Variants in UMPS observed in about 807,000 individuals in gnomAD.
UMPS encodes the protein uridine monophosphate synthetase, also known as uridine 5'-monophosphate synthase.
UMPS carries 21 observed loss-of-function variants against 38.9 expected under a neutral mutation model. The observed-to-expected ratio is 0.54, with a 90% CI of 0.38 to 0.78. UMPS has a LOEUF of 0.78. Ranked by LOEUF, UMPS falls within the 30% of genes least tolerant of loss-of-function variation. The pLI is 0.00. For missense variants in UMPS, 533 were observed against 591.6 expected (o/e 0.90, Z 1.03); for synonymous variants, 208 against 219.3 (o/e 0.95, Z 0.45).
chr3:124,746,024 C>T lies in UMPS; in HGVS notation c.*1940C>T, dbSNP rs546141616. ...TCCCAGGTGATGCTGCGGTTGCCTG[C>T]GCAGGGACTGGACTTTGAGAACCAC... On this transcript the variant is annotated 3_prime_UTR_variant, in exon 6 of 6. Coordinates refer to ENST00000232607, the MANE Select transcript of UMPS (RefSeq NM_000373.4). 7.3e-5 allele frequency: 33 copies of T among 454,004 alleles called. No individual in the cohort carries two copies. Among genetic ancestry groups the T allele is most frequent in the South Asian group, 1.6e-4 (10 of 64,476 alleles). The allele number at this position is 454,004 out of a possible 1,614,324, so 28.1% of individuals were successfully genotyped here. A position where few individuals can be genotyped will look rare whatever the true frequency, so the allele number is the denominator to read the frequency against.
Position 124,749,217 on chromosome 3 carries a change from T to A in UMPS, c.*5133T>A, listed in dbSNP as rs1318184065. 1.1e-5 allele frequency: 5 copies of A among 453,662 alleles called. No individual in the cohort carries two copies. In the East Asian group the frequency reaches 2.1e-4, roughly 19 times the overall value. 28.1% of individuals were successfully genotyped at this position (453,662 alleles called of 1,614,324 possible). A position where few individuals can be genotyped will look rare whatever the true frequency, so the allele number is the denominator to read the frequency against. ...AGAGATGATGTTGAGTTAAAAAAAA[T>A]ATATACATAAAAATATGGGTTCTTT... is the stretch of plus-strand genomic sequence containing the variant. On this transcript the variant is annotated 3_prime_UTR_variant, in exon 6 of 6. Transcript: ENST00000232607.
chr3:124,736,416 G>A (rs1305173870), intron 2 of UMPS, among the ~76,000 whole-genome samples: 1 of 146,120 alleles, frequency 6.8e-6, no homozygotes, highest in Non-Finnish European at 1.5e-5. Context: ...TTAAAAAAAA[G>A]AAACATATTA....
At chr3:124,740,705 C>T (rs2063550391) in intron 4 of UMPS, among the ~76,000 whole-genome samples, 1 of 152,148 alleles carries the variant, frequency 6.6e-6, no homozygotes, top group Admixed American at 6.5e-5. Context: ...CACCTGTAAT[C>T]CTAGCACTTT....
Position 124,731,532 on chromosome 3 carries a change from C to T in UMPS, c.156+905C>T, listed in dbSNP as rs757160551. On this transcript the variant is annotated intron_variant, in intron 1 of 5. Coordinates refer to ENST00000232607, the MANE Select transcript of UMPS (RefSeq NM_000373.4). ...TGGGATCTCTCTTACGTCACCCAGGCTGGAGTGCAGCTCTGTGATCATAGC... is the reference window on the plus strand; with the variant it reads ...TGGGATCTCTCTTACGTCACCCAGGTTGGAGTGCAGCTCTGTGATCATAGC... 8.3e-5 allele frequency: 36 copies of T among 435,824 alleles called. No homozygotes were observed. The East Asian group carries it at 2.7e-3, about 32-fold the overall frequency. The allele number at this position is 435,824 out of a possible 1,614,324, so 27.0% of individuals were successfully genotyped here.
chr3:124,732,755 C>A (rs2063489056), intron 1 of UMPS, among the ~76,000 whole-genome samples: 1 of 152,134 alleles, frequency 6.6e-6, no homozygotes, highest in Non-Finnish European at 1.5e-5. Flanking sequence ...TCACTAGGGA[C>A]CACTTTGTGT....
In UMPS at chr3:124,748,574, C is replaced by T. The variant is rs549365799; in HGVS notation, c.*4490C>T. On this transcript the variant is annotated 3_prime_UTR_variant, in exon 6 of 6. Transcript: ENST00000232607. ...CCTCTAGACAAGAGGCAGAGGGCTC[C>T]TCAGAGTCAGATCCTGGTGTGGGCT... is the stretch of plus-strand genomic sequence containing the variant. The T allele has an allele frequency of 4.0e-5, 18 of 454,024 alleles. No homozygotes were observed. Among genetic ancestry groups the T allele is most frequent in the Non-Finnish European group, 7.1e-5 (16 of 226,810 alleles). 28.1% of individuals were successfully genotyped at this position (454,024 alleles called of 1,614,324 possible).
rs2063531004 is a variant in UMPS, at chr3:124,738,199, G to T, written c.942G>T (p.Lys314Asn). 6.2e-7 allele frequency: 1 copy of T among 1,614,028 alleles called. No individual in the cohort carries two copies. The highest frequency in any genetic ancestry group is 1.3e-5 in the African/African-American group (1 of 74,936). Reference sequence around the variant, plus strand: ...AGTTCTTGATATTTGAAGACCGGAAGTTTGCAGATATAGGAAACACAGTGA... The same window carrying T: ...AGTTCTTGATATTTGAAGACCGGAATTTTGCAGATATAGGAAACACAGTGA... ...CHEFLIFEDRKFADIGNTVKK... is the reference protein window; with the variant it reads ...CHEFLIFEDRNFADIGNTVKK... Residue 314 changes from lysine (K) to asparagine (N), a missense_variant, in exon 3 of 6, where the codon AAG (lysine) becomes AAT (asparagine). Physicochemically the swap from Lys to Asn is moderately conservative, Grantham distance 94. Coordinates refer to ENST00000232607, the MANE Select transcript of UMPS (RefSeq NM_000373.4).
At chr3:124,739,146 C>T (rs2063537844) in intron 3 of UMPS, among the ~76,000 whole-genome samples, 1 of 152,180 alleles carries the variant, frequency 6.6e-6, no homozygotes, top group Admixed American at 6.5e-5. Context: ...AAACTTTCTT[C>T]AGCTCTGCAT....
rs1323448922 is a variant in UMPS, at chr3:124,740,095, A to G, written c.1054A>G (p.Lys352Glu). 1 of 1,614,088 alleles carries G rather than the reference A, an allele frequency of 6.2e-7. No individual in the cohort carries two copies. The highest frequency in any genetic ancestry group is 2.2e-5 in the East Asian group (1 of 44,880). ...AHVVPGSGVV[K>E]GLQEVGLPLH... is the part of the protein sequence containing the mutation. ...CGTGGTGCCAGGCTCAGGAGTTGTG[A>G]AAGGCCTGCAAGAAGTGGGCCTGCC... Residue 352 changes from lysine (K) to glutamate (E), a missense_variant, in exon 4 of 6, where the codon AAA becomes GAA. Coordinates refer to ENST00000232607, the MANE Select transcript of UMPS (RefSeq NM_000373.4).
In UMPS at chr3:124,735,314, G is replaced by A. The variant is rs1317263915; in HGVS notation, c.310+68G>A. 38 of 1,450,070 alleles carry A rather than the reference G, an allele frequency of 2.6e-5. 1 individual carries two copies. The highest frequency in any genetic ancestry group is 7.3e-5 in the South Asian group (6 of 82,678). The allele number at this position is 1,450,070 out of a possible 1,614,324, so 89.8% of individuals were successfully genotyped here. A position where few individuals can be genotyped will look rare whatever the true frequency, so the allele number is the denominator to read the frequency against. On this transcript the variant is annotated intron_variant, in intron 2 of 5. Transcript: ENST00000232607. ...AACATCATACTCTTAGAATTTTTCC[G>A]CTTCTGTGCACTAATGTTTTACCAG...
intron 1 of UMPS, among the ~76,000 whole-genome samples, chr3:124,734,483 T>G (rs1316091171): frequency 6.6e-6 from 1 of 152,214 alleles, no homozygotes; most frequent in Non-Finnish European, 1.5e-5. Context: ...GGGATCGTCC[T>G]TAGTCTTTGG....
At chr3:124,736,365 C>T (rs576681815) in intron 2 of UMPS, among the ~76,000 whole-genome samples, 9 of 152,116 alleles carry the variant, frequency 5.9e-5, no homozygotes, top group African/African-American at 2.2e-4. Flanking sequence ...TTTTTTAAAA[C>T]AAATCCTTCT....
Position 124,737,977 on chromosome 3 carries a change from A to C in UMPS, c.720A>C (p.Ala240=), listed in dbSNP as rs1247888239. Residue 240 remains alanine, a synonymous_variant, in exon 3 of 6, where the codon GCA becomes GCC. Coordinates refer to ENST00000232607, the MANE Select transcript of UMPS (RefSeq NM_000373.4). ...RAELPRIHPV[A]SKLLRLMQKK... is the part of the protein sequence containing the mutation. ...AGCTGCCCAGGATCCACCCAGTTGCATCGAAGCTTCTCAGGCTTATGCAAA... is the reference window on the plus strand; with the variant it reads ...AGCTGCCCAGGATCCACCCAGTTGCCTCGAAGCTTCTCAGGCTTATGCAAA... The C allele has an allele frequency of 1.2e-6, 2 of 1,614,182 alleles. No homozygotes were observed. The highest frequency in any genetic ancestry group is 2.7e-5 in the African/African-American group (2 of 75,058).
intron 2 of UMPS, chr3:124,737,315 T>C (rs564667329): frequency 2.2e-6 from 1 of 447,562 alleles, no homozygotes; most frequent in South Asian, 2.7e-5. Flanking sequence ...CATTAAGCAG[T>C]GTTTATAATG....
chr3:124,735,191 C>G lies in UMPS; in HGVS notation c.255C>G (p.Ile85Met). The G allele has an allele frequency of 1.2e-6, 2 of 1,613,994 alleles. No homozygotes were observed. The highest frequency in any genetic ancestry group is 1.7e-6 in the Non-Finnish European group (2 of 1,179,900). Residue 85 changes from isoleucine (I) to methionine (M), a missense_variant, in exon 2 of 6, where the codon ATC becomes ATG. By Grantham distance (10) the Ile-to-Met change is conservative. Transcript: ENST00000232607. ...CAGCTTTGCCATTGGCTACAGTTAT[C>G]TGTTCAACCAATCAAATTCCAATGC... ...PYTALPLATV[I>M]CSTNQIPMLI... is the part of the protein sequence containing the mutation.
chr3:124,742,525 A>G, intron 5 of UMPS: 1 of 502,660 alleles, frequency 2.0e-6, no homozygotes, highest in East Asian at 3.7e-5. Context: ...TAACATGTAG[A>G]ATATTTAACA....
Position 124,743,919 on chromosome 3 carries a change from T to C in UMPS, c.1278T>C (p.Asp426=). Residue 426 remains aspartate, a synonymous_variant, in exon 6 of 6, where the codon GAT becomes GAC. Transcript: ENST00000232607. ...CAATTTTTGTGTTTCTTGCAGGAGATAATCTTGGCCAACAGTACAATAGCC... is the reference window on the plus strand; with the variant it reads ...CAATTTTTGTGTTTCTTGCAGGAGACAATCTTGGCCAACAGTACAATAGCC... ...TPGVQLEAGG[D]NLGQQYNSPQ... The C allele has an allele frequency of 1.2e-6, 2 of 1,614,124 alleles. No individual in the cohort carries two copies. The highest frequency in any genetic ancestry group is 1.7e-6 in the Non-Finnish European group (2 of 1,179,986).
At chr3:124,739,490 C>T (rs1280763350) in intron 3 of UMPS, among the ~76,000 whole-genome samples, 1 of 152,114 alleles carries the variant, frequency 6.6e-6, no homozygotes, top group Non-Finnish European at 1.5e-5. Flanking sequence ...CGCCACCACA[C>T]CTAGCTAATT....
intron 4 of UMPS, among the ~76,000 whole-genome samples, chr3:124,740,683 C>T (rs1015640449): frequency 7.9e-5 from 12 of 152,030 alleles, no homozygotes; most frequent in African/African-American, 2.4e-4. Flanking sequence ...GGGGGCTGGG[C>T]GCAGTTGCTC....
Sources: gnomAD v4.1 joint callset for allele counts (sites outside exome capture counted in the v4.1 genomes callset) on GRCh38, gnomAD v4.1.1 for gene constraint, MANE v1.5 for transcripts, NCBI Gene and HGNC (gene_info 2026-07-23, HGNC 2026-07-21) for gene names.